The following UNC13B variants were observed in gnomAD, a reference collection of about 807,000 sequenced individuals.
UNC13B encodes the protein protein unc-13 homolog B.
UNC13B carries 144 observed loss-of-function variants against 211.0 expected under a neutral mutation model. That is an observed-to-expected ratio of 0.68 (90% CI 0.60 to 0.78). The LOEUF is 0.78. UNC13B is among the 30% of genes least tolerant of loss of function. The probability of loss-of-function intolerance (pLI) is 0.00; values close to 1 mark genes in which losing one functional copy is unlikely to be tolerated. For synonymous variants in UNC13B, 709 were observed against 725.8 expected (o/e 0.98, Z 0.37); for missense variants, 1,777 against 2,002.0 (o/e 0.89, Z 2.14).
At chr9:35,334,036 G>A (rs905376244) in intron 11 of UNC13B, among the ~76,000 whole-genome samples, 7 of 151,952 alleles carry the variant, frequency 4.6e-5, no homozygotes, top group Admixed American at 3.3e-4. Flanking sequence ...TGTGATCTTG[G>A]CTTACTGCAA....
intron 11 of UNC13B, among the ~76,000 whole-genome samples, chr9:35,339,332 C>T (rs956699137): frequency 1.3e-5 from 2 of 152,202 alleles, no homozygotes; most frequent in South Asian, 2.1e-4. Flanking sequence ...CCCATCCTTT[C>T]GGCCTACTCA....
At chr9:35,209,941 A>G (rs1823876160) in intron 1 of UNC13B, among the ~76,000 whole-genome samples, 2 of 152,190 alleles carry the variant, frequency 1.3e-5, no homozygotes, top group African/African-American at 4.8e-5. Flanking sequence ...GCACACGGCA[A>G]TAAGAACAGT....
intron 1 of UNC13B, among the ~76,000 whole-genome samples, chr9:35,179,435 CT>C (rs1188232796): frequency 6.6e-6 from 1 of 152,054 alleles, no homozygotes; most frequent in Non-Finnish European, 1.5e-5. Context: ...CTAGAGAACT[CT>C]TGAATCTCGC....
chr9:35,295,975 C>T lies in UNC13B; in HGVS notation c.761+45C>T, dbSNP rs2296945. On this transcript the variant is annotated intron_variant, in intron 8 of 39. Transcript: ENST00000635942. Reference sequence around the variant, plus strand: ...TACTTTCTCTTCCTAATATCCAGGTCTCATGATGCAATTGGCAAGAAGAAT... The same window carrying T: ...TACTTTCTCTTCCTAATATCCAGGTTTCATGATGCAATTGGCAAGAAGAAT... 3.3e-4 allele frequency: 508 copies of T among 1,530,078 alleles called. 11 individuals carry two copies. The East Asian group carries it at 0.012, about 37-fold the overall frequency. The allele number at this position is 1,530,078 out of a possible 1,614,324, so 94.8% of individuals were successfully genotyped here.
At chr9:35,354,590 G>A (rs1832910052) in intron 11 of UNC13B, among the ~76,000 whole-genome samples, 1 of 152,176 alleles carries the variant, frequency 6.6e-6, no homozygotes, top group African/African-American at 2.4e-5. Context: ...GCAGTTTGGA[G>A]ATATGTAGCT....
intron 1 of UNC13B, among the ~76,000 whole-genome samples, chr9:35,194,288 G>C (rs1822822005): frequency 6.6e-6 from 1 of 152,188 alleles, no homozygotes. Flanking sequence ...GAGAGAATAG[G>C]AGATATGACA....
At chr9:35,246,314 G>A (rs1826100038) in intron 6 of UNC13B, among the ~76,000 whole-genome samples, 1 of 152,104 alleles carries the variant, frequency 6.6e-6, no homozygotes, top group African/African-American at 2.4e-5. Context: ...TGTTGACTCT[G>A]ATGGTAGTTT....
At chr9:35,175,552 T>C (rs1216032345) in intron 1 of UNC13B, among the ~76,000 whole-genome samples, 1 of 152,100 alleles carries the variant, frequency 6.6e-6, no homozygotes, top group Non-Finnish European at 1.5e-5. Context: ...TGTTGAGGTT[T>C]AGGAAAAAAT....
At chr9:35,189,844 T>C (rs1822557396) in intron 1 of UNC13B, among the ~76,000 whole-genome samples, 1 of 152,152 alleles carries the variant, frequency 6.6e-6, no homozygotes, top group African/African-American at 2.4e-5. Flanking sequence ...TAATTTTTTA[T>C]ATTTTTAGTA....
rs1398627360 is a variant in UNC13B at position 35,399,170 on chromosome 9, C to T, written c.12084C>T (p.Leu4028=). Residue 4028 remains leucine (L), a synonymous_variant, in exon 34 of 40, where the codon CTC becomes CTT. Coordinates refer to ENST00000635942, the MANE Select transcript of UNC13B (RefSeq NM_001371189.2). Reference sequence around the variant, plus strand: ...TTGCCTGGACTTGCAGCCTCACCCTCTTTGCCACTGTGTGTGAGAAGACGG... The same window carrying T: ...TTGCCTGGACTTGCAGCCTCACCCTTTTTGCCACTGTGTGTGAGAAGACGG... ...LMDFLDGNLT[L]FATVCEKTVL... 1.2e-6 allele frequency: 2 copies of T among 1,614,212 alleles called. No individual in the cohort carries two copies. The highest frequency in any genetic ancestry group is 4.5e-5 in the East Asian group (2 of 44,892).
At chr9:35,206,862 G>C (rs1352141694) in intron 1 of UNC13B, among the ~76,000 whole-genome samples, 6 of 103,082 alleles carry the variant, frequency 5.8e-5, no homozygotes, top group African/African-American at 1.9e-4. Context: ...GACAGAGTGA[G>C]ACTCCATCTC....
intron 11 of UNC13B, among the ~76,000 whole-genome samples, chr9:35,355,116 A>G (rs183527668): frequency 6.6e-6 from 1 of 152,338 alleles, no homozygotes; most frequent in East Asian, 1.9e-4. Flanking sequence ...GTTATCTAAG[A>G]TATATTGACA....
chr9:35,396,954 G>T lies in UNC13B; in HGVS notation c.11532+17G>T. ...AAGGATGGAGTAAGTCAGGGGCTTT[G>T]GCTGCACCGGGTTCAGGCCAGGTCT... is the stretch of plus-strand genomic sequence containing the variant. On this transcript the variant is annotated intron_variant, in intron 28 of 39. Transcript: ENST00000635942. 3 of 1,613,916 alleles carry T rather than the reference G, an allele frequency of 1.9e-6. No homozygotes were observed. The highest frequency in any genetic ancestry group is 2.5e-6 in the Non-Finnish European group (3 of 1,179,808).
In UNC13B at chr9:35,319,057, T is replaced by C. The variant is rs939539156; in HGVS notation, c.9414+5068T>C. 7.9e-5 allele frequency among the ~76,000 whole-genome samples: 12 copies of C among 152,224 alleles called. No individual in the cohort carries two copies. The South Asian group carries it at 8.3e-4, about 11-fold the overall frequency. On this transcript the variant is annotated intron_variant, in intron 11 of 39. Transcript: ENST00000635942. The stretch of plus-strand genomic sequence containing the variant: ...TCTACCCAGAAGTTATTAATACATA[T>C]GTTGCTTTTGCTCATATTTTCCTAG...
At chr9:35,276,761 T>A (rs1828201622) in intron 7 of UNC13B, among the ~76,000 whole-genome samples, 1 of 152,184 alleles carries the variant, frequency 6.6e-6, no homozygotes, top group African/African-American at 2.4e-5. Flanking sequence ...TCGTGTATAT[T>A]CCCCCAACAT....
intron 1 of UNC13B, among the ~76,000 whole-genome samples, chr9:35,172,444 T>C (rs185568806): frequency 6.6e-6 from 1 of 152,330 alleles, no homozygotes; most frequent in East Asian, 1.9e-4. Flanking sequence ...TTTGTACTCT[T>C]TAATCAACCT....
intron 7 of UNC13B, among the ~76,000 whole-genome samples, chr9:35,260,059 A>AAAG (rs1480237112): frequency 6.7e-6 from 1 of 149,922 alleles, no homozygotes; most frequent in African/African-American, 2.4e-5. Flanking sequence ...AAAAAAAAAA[A>AAAG]AAAAACCAAG....
intron 26 of UNC13B, among the ~76,000 whole-genome samples, chr9:35,394,838 G>A (rs1354038713): frequency 2.0e-5 from 3 of 152,136 alleles, no homozygotes; most frequent in Non-Finnish European, 2.9e-5. Flanking sequence ...AAGTGTGACC[G>A]GTGTTTCAGA....
intron 11 of UNC13B, among the ~76,000 whole-genome samples, chr9:35,328,299 C>T (rs375550622): frequency 6.6e-6 from 1 of 152,192 alleles, no homozygotes; most frequent in African/African-American, 2.4e-5. Flanking sequence ...GCTGGGATTA[C>T]AGGCGTGAGC....
Sources: allele counts gnomAD v4.1 joint callset (sites outside exome capture counted in the v4.1 genomes callset), GRCh38; gene constraint gnomAD v4.1.1; transcripts MANE v1.5; gene names NCBI Gene and HGNC (gene_info 2026-07-23, HGNC 2026-07-21).